The following IQCH variants were observed in gnomAD, a reference collection of about 807,000 sequenced individuals.
IQCH encodes the protein IQ motif containing H.
In IQCH, 98 loss-of-function variants were observed where a neutral mutation model predicts 117.0. The ratio of observed to expected loss-of-function variants is 0.84; its 90% confidence interval spans 0.71 to 0.99. The LOEUF is 0.99. Ranked by LOEUF, IQCH falls within the 50% of genes least tolerant of loss-of-function variation. The pLI is 0.00. For missense variants in IQCH, 1,102 were observed against 1,243.8 expected (o/e 0.89, Z 1.72); for synonymous variants, 412 against 448.2 (o/e 0.92, Z 1.02).
At chr15:67,258,056 C>T (rs919176131) in intron 1 of IQCH, among the ~76,000 whole-genome samples, 9 of 151,506 alleles carry the variant, frequency 5.9e-5, no homozygotes, top group African/African-American at 2.2e-4. Flanking sequence ...ATGGCAAAAC[C>T]CCGTCTCTAC....
In IQCH at chr15:67,403,073, C is replaced by A. The variant is rs1041668515; in HGVS notation, c.2097+2768C>A. Among the ~76,000 whole-genome samples, 58 of 152,056 alleles carry A rather than the reference C, an allele frequency of 3.8e-4. No homozygotes were observed. The highest frequency in any genetic ancestry group is 8.5e-4 in the Non-Finnish European group (58 of 68,006). On this transcript the variant is annotated intron_variant, in intron 14 of 20. Transcript: ENST00000335894. This position sits in a 1 kb window ranked among gnomAD's most constrained non-coding sequence, Gnocchi z 4.8. ...GGCCAGCCTGGCCAACATAGTGAAA[C>A]CTCGTCTCTACTAAAAATACAAAAA...
chr15:67,432,111 C>A lies in IQCH; in HGVS notation c.2505+10534C>A, dbSNP rs1334099375. ...TTGAAACAACAATCTGTATTATAAGCATTGATAGTTAATACTTTTTTTGAA... is the reference window on the plus strand; with the variant it reads ...TTGAAACAACAATCTGTATTATAAGAATTGATAGTTAATACTTTTTTTGAA... On this transcript the variant is annotated intron_variant, in intron 16 of 20. Coordinates refer to ENST00000335894, the MANE Select transcript of IQCH (RefSeq NM_001031715.3). This position sits in a 1 kb window ranked among gnomAD's most constrained non-coding sequence, Gnocchi z 5.0. Among the ~76,000 whole-genome samples the A allele has an allele frequency of 6.6e-6, 1 of 152,060 alleles. No homozygotes were observed. The highest frequency in any genetic ancestry group is 1.5e-5 in the Non-Finnish European group (1 of 68,002).
At chr15:67,268,299 G>A (rs144756441) in intron 3 of IQCH, among the ~76,000 whole-genome samples, 23 of 152,306 alleles carry the variant, frequency 1.5e-4, no homozygotes, top group African/African-American at 4.8e-4. Context: ...TTAAAACAAC[G>A]ATAAGGACGT....
intron 4 of IQCH, among the ~76,000 whole-genome samples, chr15:67,286,360 G>T (rs1966561354): frequency 6.6e-6 from 1 of 152,042 alleles, no homozygotes; most frequent in African/African-American, 2.4e-5. Flanking sequence ...CCAAATATAA[G>T]ATCATATCAT....
intron 14 of IQCH, among the ~76,000 whole-genome samples, chr15:67,415,326 C>T (rs1486718325): frequency 1.3e-5 from 2 of 152,168 alleles, no homozygotes; most frequent in Non-Finnish European, 2.9e-5. Context: ...TCTGCATGAA[C>T]GCTTCCCCAG....
At chr15:67,322,750 G>A (rs1567095561) in intron 4 of IQCH, among the ~76,000 whole-genome samples, 1 of 151,788 alleles carries the variant, frequency 6.6e-6, no homozygotes, top group Non-Finnish European at 1.5e-5. Context: ...GAATTTTATT[G>A]AGCAACAGAA....
intron 14 of IQCH, among the ~76,000 whole-genome samples, chr15:67,410,254 G>A (rs1462594640): frequency 6.6e-6 from 1 of 152,210 alleles, no homozygotes; most frequent in East Asian, 1.9e-4. Flanking sequence ...TGATGAGAAT[G>A]TATTATCTCA....
At chr15:67,437,069 C>T (rs1567187645) in intron 16 of IQCH, among the ~76,000 whole-genome samples, 1 of 152,134 alleles carries the variant, frequency 6.6e-6, no homozygotes, top group Non-Finnish European at 1.5e-5. Flanking sequence ...TTCTGGAAAG[C>T]GCCACGTCCT....
At chr15:67,267,908 TTCA>T in intron 3 of IQCH, among the ~76,000 whole-genome samples, 1 of 152,298 alleles carries the variant, frequency 6.6e-6, no homozygotes, top group Admixed American at 6.5e-5. Flanking sequence ...TATCAAGATC[TTCA>T]TCATCATCAT....
chr15:67,281,604 ATCAGAC>A (rs1567061775), intron 4 of IQCH: 1 of 439,478 alleles, frequency 2.3e-6, no homozygotes. Flanking sequence ...GTTTAAAGGT[ATCAGAC>A]TCAATCTCTC....
chr15:67,485,805 C>T (rs1171682291), intron 18 of IQCH, among the ~76,000 whole-genome samples: 4 of 151,816 alleles, frequency 2.6e-5, no homozygotes, highest in East Asian at 1.9e-4. Context: ...ACTACAGGCA[C>T]GCGCCACCAT....
rs1229484297 is a variant in IQCH at position 67,475,385 on chromosome 15, G to A, written c.2677-311G>A. ...CCCAGCTACTTGGGAGGCTGAAGCA[G>A]GAGGATCACTTAAGCCCAGGAGGCA... On this transcript the variant is annotated intron_variant, in intron 17 of 20. Transcript: ENST00000335894. The surrounding 1 kb of genome is among the most constrained non-coding windows in gnomAD (Gnocchi z 5.7). Among the ~76,000 whole-genome samples the A allele has an allele frequency of 2.6e-5, 4 of 152,166 alleles. No individual in the cohort carries two copies. The highest frequency in any genetic ancestry group is 6.5e-5 in the Admixed American group (1 of 15,280).
In IQCH at chr15:67,405,574, G is replaced by C. The variant is rs1249333846; in HGVS notation, c.2097+5269G>C. On this transcript the variant is annotated intron_variant, in intron 14 of 20. Transcript: ENST00000335894. The surrounding 1 kb of genome is among the most constrained non-coding windows in gnomAD (Gnocchi z 4.8). ...AAGATATAAGGAAGGTATTACTTCTGTTTACAGATGAAGAAACTTATTCTC... is the reference window on the plus strand; with the variant it reads ...AAGATATAAGGAAGGTATTACTTCTCTTTACAGATGAAGAAACTTATTCTC... 6.6e-6 allele frequency: 1 copy of C among 152,178 alleles called. No individual in the cohort carries two copies. Among genetic ancestry groups the C allele is most frequent in the African/African-American group, 2.4e-5 (1 of 41,454 alleles). 9.4% of individuals were successfully genotyped at this position (152,178 alleles called of 1,614,324 possible). A position where few individuals can be genotyped will look rare whatever the true frequency, so the allele number is the denominator to read the frequency against.
intron 4 of IQCH, among the ~76,000 whole-genome samples, chr15:67,302,177 A>C (rs117367464): frequency 0.014 from 2,177 of 152,306 alleles, 18 homozygotes; most frequent in Non-Finnish European, 0.025. Context: ...TGATAGATGA[A>C]GCTATTACCA....
At chr15:67,362,243 A>T (rs1169845141) in intron 8 of IQCH, among the ~76,000 whole-genome samples, 1 of 151,978 alleles carries the variant, frequency 6.6e-6, no homozygotes, top group Admixed American at 6.6e-5. Context: ...TTTTTATATT[A>T]TTCTCTATAC....
chr15:67,344,144 CA>C lies in IQCH; in HGVS notation c.591del (p.Ala198LeufsTer15). 6.2e-7 allele frequency: 1 copy of C among 1,613,722 alleles called. No homozygotes were observed. The highest frequency in any genetic ancestry group is 8.5e-7 in the Non-Finnish European group (1 of 1,179,704). On this transcript the variant is annotated frameshift_variant, in exon 6 of 21. Coordinates refer to ENST00000335894, the MANE Select transcript of IQCH (RefSeq NM_001031715.3). LOFTEE classifies it high-confidence loss of function. ...CAGAATCCACCCATTACACCCAGAG[CA>C]GCTCCTCTGCATAGTTTTGATGAAG... ...TFQNPPITPR[A>X]APLHSFDEAR...
rs541810578 is a variant in IQCH, at chr15:67,433,188, T to A, written c.2505+11611T>A. On this transcript the variant is annotated intron_variant, in intron 16 of 20. Coordinates refer to ENST00000335894, the MANE Select transcript of IQCH (RefSeq NM_001031715.3). The surrounding 1 kb of genome is among the most constrained non-coding windows in gnomAD (Gnocchi z 5.4). ...CATTAAAGTAAAAGACCTTCTCCCT[T>A]TAAAAGGGCTGTATCTTTGTGTCAA... Among the ~76,000 whole-genome samples, 2 of 152,298 alleles carry A rather than the reference T, an allele frequency of 1.3e-5. No homozygotes were observed. The highest frequency in any genetic ancestry group is 3.9e-4 in the East Asian group (2 of 5,192).
chr15:67,356,578 G>T lies in IQCH; in HGVS notation c.638-767G>T, dbSNP rs147752057. Among the ~76,000 whole-genome samples, 435 of 152,244 alleles carry T rather than the reference G, an allele frequency of 2.9e-3. 1 individual carries two copies. The highest frequency in any genetic ancestry group is 0.01 in the Middle Eastern group (3 of 294). On this transcript the variant is annotated intron_variant, in intron 6 of 20. Transcript: ENST00000335894. The surrounding 1 kb of genome is among the most constrained non-coding windows in gnomAD (Gnocchi z 5.3). ...TTGTTATAGAAAACTAACAGAAAAG[G>T]GGGTTGAGCTGAAGGAATTGAGCTG...
intron 19 of IQCH, among the ~76,000 whole-genome samples, chr15:67,492,437 GCAAT>G (rs2083683239): frequency 6.6e-6 from 1 of 152,190 alleles, no homozygotes; most frequent in Admixed American, 6.5e-5. Flanking sequence ...TGGGAGAAGA[GCAAT>G]CAGACAGGCC....
Sources: gnomAD v4.1 joint callset for allele counts (sites outside exome capture counted in the v4.1 genomes callset) on GRCh38, gnomAD v4.1.1 for gene constraint, Gnocchi (gnomAD v3.1) non-coding constraint, MANE v1.5 for transcripts, NCBI Gene and HGNC (gene_info 2026-07-23, HGNC 2026-07-21) for gene names.